Variants in KCNIP4 observed in about 807,000 individuals in gnomAD.
KCNIP4 encodes the protein Kv channel-interacting protein 4.
Under a neutral mutation model 34.0 loss-of-function variants are expected in KCNIP4, and 12 were observed. The ratio of observed to expected loss-of-function variants is 0.35; its 90% confidence interval spans 0.23 to 0.57. KCNIP4 has a LOEUF of 0.57. Ranked by LOEUF, KCNIP4 falls within the 20% of genes least tolerant of loss-of-function variation. KCNIP4 has a pLI of 0.83. For missense variants in KCNIP4, 238 were observed against 311.7 expected (o/e 0.76, Z 1.78); for synonymous variants, 124 against 102.2 (o/e 1.21, Z -1.29).
At chr4:21,060,254 T>C (rs1429000177) in intron 1 of KCNIP4, among the ~76,000 whole-genome samples, 2 of 152,146 alleles carry the variant, frequency 1.3e-5, no homozygotes, top group African/African-American at 4.8e-5. Context: ...TGAGCTGATT[T>C]ATAACAGCCT....
chr4:21,937,981 C>T (rs1379749069), intron 1 of KCNIP4, among the ~76,000 whole-genome samples: 3 of 152,116 alleles, frequency 2.0e-5, no homozygotes, highest in Non-Finnish European at 1.5e-5. Flanking sequence ...CACATCTTGA[C>T]CGTGACTACT....
At chr4:21,105,894 A>G (rs1183951857) in intron 1 of KCNIP4, among the ~76,000 whole-genome samples, 1 of 151,596 alleles carries the variant, frequency 6.6e-6, no homozygotes, top group Non-Finnish European at 1.5e-5. Flanking sequence ...ATGCTGGATT[A>G]CATTTATTGA....
chr4:20,931,912 G>A (rs1035988042), intron 1 of KCNIP4, among the ~76,000 whole-genome samples: 3 of 149,018 alleles, frequency 2.0e-5, no homozygotes, highest in African/African-American at 7.4e-5. Context: ...GACTATAATA[G>A]TCTATAACAG....
chr4:21,826,755 A>G (rs571314622), intron 1 of KCNIP4, among the ~76,000 whole-genome samples: 23 of 152,262 alleles, frequency 1.5e-4, no homozygotes, highest in African/African-American at 5.3e-4. Flanking sequence ...ATAGCAAAAT[A>G]TATTTTATTC....
intron 1 of KCNIP4, among the ~76,000 whole-genome samples, chr4:21,013,553 T>C (rs1252249120): frequency 6.6e-6 from 1 of 152,108 alleles, no homozygotes; most frequent in East Asian, 1.9e-4. Flanking sequence ...TCAGAATGAA[T>C]CATGATGGAA....
chr4:21,734,221 G>A (rs555514429), intron 1 of KCNIP4, among the ~76,000 whole-genome samples: 9 of 152,222 alleles, frequency 5.9e-5, no homozygotes, highest in East Asian at 3.9e-4. Flanking sequence ...CCAAGTGTCT[G>A]CAATCTGTCA....
chr4:20,828,525 A>G (rs1718043708), intron 3 of KCNIP4, among the ~76,000 whole-genome samples: 1 of 152,216 alleles, frequency 6.6e-6, no homozygotes, highest in African/African-American at 2.4e-5. Context: ...TAAGTCATGT[A>G]CAGAAGGCTG....
chr4:20,866,193 G>A (rs10030501), intron 2 of KCNIP4, among the ~76,000 whole-genome samples: 72,710 of 151,710 alleles, frequency 0.48, 19,707 homozygotes, highest in African/African-American at 0.75. Context: ...ACTCTGGCAA[G>A]GACTCAACCA....
At chr4:21,761,908 T>A (rs555306361) in intron 1 of KCNIP4, among the ~76,000 whole-genome samples, 1 of 152,242 alleles carries the variant, frequency 6.6e-6, no homozygotes, top group East Asian at 1.9e-4. Context: ...ATAATTATGA[T>A]AACATCCAAG....
chr4:21,714,251 C>T (rs1324552343), intron 1 of KCNIP4, among the ~76,000 whole-genome samples: 1 of 152,130 alleles, frequency 6.6e-6, no homozygotes, highest in Non-Finnish European at 1.5e-5. Flanking sequence ...TAAGTTCTCC[C>T]TCATAGCAGC....
At chr4:20,982,763 T>G (rs901104373) in intron 1 of KCNIP4, among the ~76,000 whole-genome samples, 1 of 152,238 alleles carries the variant, frequency 6.6e-6, no homozygotes, top group South Asian at 2.1e-4. Flanking sequence ...TCATCATAGC[T>G]ATCAGGTCTT....
chr4:20,772,418 A>G (rs1054408987), intron 3 of KCNIP4, among the ~76,000 whole-genome samples: 1 of 152,148 alleles, frequency 6.6e-6, no homozygotes, highest in African/African-American at 2.4e-5. Flanking sequence ...GTATTCAAAT[A>G]CTGACATCAA....
At chr4:21,541,039 C>A (rs923083158) in intron 1 of KCNIP4, among the ~76,000 whole-genome samples, 3 of 151,836 alleles carry the variant, frequency 2.0e-5, no homozygotes, top group African/African-American at 7.3e-5. Context: ...GGCATGGTGG[C>A]GCATGCCTGT....
chr4:20,837,686 A>ATATATATTTTT (rs1350419753), intron 3 of KCNIP4, among the ~76,000 whole-genome samples: 1 of 117,400 alleles, frequency 8.5e-6, no homozygotes, highest in African/African-American at 3.4e-5. Flanking sequence ...ATATATATAT[A>ATATATATTTTT]TTTTTTTTTC....
rs770366497 is a variant in KCNIP4, at chr4:21,304,030, TGAGAGAGAGA to T, written c.62-421331_62-421322del. 398 of 288,622 alleles carry T rather than the reference TGAGAGAGAGA, an allele frequency of 1.4e-3. 2 individuals are homozygous for T. Among genetic ancestry groups the T allele is most frequent in the Middle Eastern group, 6.5e-3 (7 of 1,080 alleles). The allele number at this position is 288,622 out of a possible 1,614,324, so 17.9% of individuals were successfully genotyped here. A position where few individuals can be genotyped will look rare whatever the true frequency, so the allele number is the denominator to read the frequency against. On this transcript the variant is annotated intron_variant, in intron 1 of 8. Transcript: ENST00000382152. ...GGAGAAAGGGGAGGAGGAGAGCGTA[TGAGAGAGAGA>T]GAGAGAGAGAGAGAGAGAGAGAGAG...
At chr4:20,820,134 A>T (rs985486760) in intron 3 of KCNIP4, among the ~76,000 whole-genome samples, 2 of 152,188 alleles carry the variant, frequency 1.3e-5, no homozygotes, top group East Asian at 3.8e-4. Context: ...TGATAACTCA[A>T]AAGAGAACAG....
chr4:21,480,230 C>T (rs1276106249), intron 1 of KCNIP4, among the ~76,000 whole-genome samples: 1 of 151,850 alleles, frequency 6.6e-6, no homozygotes, highest in Non-Finnish European at 1.5e-5. Flanking sequence ...CTAGCTATTC[C>T]TTACATTATT....
At chr4:20,794,054 C>G (rs944599489) in intron 3 of KCNIP4, among the ~76,000 whole-genome samples, 5 of 152,212 alleles carry the variant, frequency 3.3e-5, no homozygotes, top group African/African-American at 1.2e-4. Flanking sequence ...CAAAGTCTCT[C>G]TCTTTGCCTG....
At chr4:20,910,845 G>T (rs955360342) in intron 1 of KCNIP4, among the ~76,000 whole-genome samples, 6 of 152,104 alleles carry the variant, frequency 3.9e-5, no homozygotes, top group African/African-American at 1.4e-4. Flanking sequence ...GCCCCGTTAT[G>T]CCCCTTTGAG....
Sources: gnomAD v4.1 joint callset for allele counts (sites outside exome capture counted in the v4.1 genomes callset) on GRCh38, gnomAD v4.1.1 for gene constraint, MANE v1.5 for transcripts, NCBI Gene and HGNC (gene_info 2026-07-23, HGNC 2026-07-21) for gene names.